The following MAK variants were observed in gnomAD, a reference collection of about 807,000 sequenced individuals.
MAK encodes the protein serine/threonine-protein kinase MAK.
MAK carries 65 observed loss-of-function variants against 82.6 expected under a neutral mutation model. That is an observed-to-expected ratio of 0.79 (90% CI 0.64 to 0.97). The LOEUF is 0.97. MAK is among the 50% of genes least tolerant of loss of function. The pLI is 0.00. For synonymous variants in MAK, 250 were observed against 274.2 expected, an observed-to-expected ratio of 0.91 and a Z score of 0.87; for missense variants, 703 against 780.2, an observed-to-expected ratio of 0.90 and a Z score of 1.18.
In MAK at chr6:10,828,491, G is replaced by A. The variant is rs547800511; in HGVS notation, c.101+2057C>T. ...GAAGTCCTAGCCCCCAGACTTTCAC[G>A]GTGTGACAGTATCTGAAGATAGGGT... is the stretch of plus-strand genomic sequence containing the variant. On this transcript the variant is annotated intron_variant, in intron 2 of 14. Coordinates refer to ENST00000354489, the MANE Select transcript of MAK (RefSeq NM_001242957.3). Among the ~76,000 whole-genome samples the A allele has an allele frequency of 5.9e-5, 9 of 152,216 alleles. No homozygotes were observed. In the South Asian group the frequency reaches 6.2e-4, roughly 11 times the overall value.
At position 10,770,181 on chromosome 6, in the gene MAK, G is replaced by T; in HGVS notation, c.1722C>A (p.Ser574=). The part of the protein sequence containing the change: ...ATYNQSGYIP[S]FLKKEVQSAG... ...CTGACTGCACTTCTTTTTTGAGAAAGGAAGGAATATATCCTGACTGATTGT... is the reference window on the plus strand; with the variant it reads ...CTGACTGCACTTCTTTTTTGAGAAATGAAGGAATATATCCTGACTGATTGT... The change falls in exon 14 of 15, where the codon TCC becomes TCA. Residue 574 remains serine (S), a synonymous_variant. Coordinates refer to ENST00000354489, the MANE Select transcript of MAK (RefSeq NM_001242957.3). 1 of 1,614,084 alleles carries T rather than the reference G, an allele frequency of 6.2e-7. No individual in the cohort carries two copies. The highest frequency in any genetic ancestry group is 8.5e-7 in the Non-Finnish European group (1 of 1,179,998).
chr6:10,815,563 C>T (rs1777401069), intron 4 of MAK, among the ~76,000 whole-genome samples: 2 of 152,064 alleles, frequency 1.3e-5, no homozygotes, highest in African/African-American at 2.4e-5. Context: ...GTCGAGGCTA[C>T]AGTGAGCCAT....
chr6:10,830,467 C>A, intron 2 of MAK, 81 bp downstream of exon 2: 1 of 1,186,802 alleles, frequency 8.4e-7, no homozygotes, highest in Non-Finnish European at 1.3e-6. Flanking sequence ...CTGGCCTGTG[C>A]TGGTATATAT....
intron 1 of MAK, among the ~76,000 whole-genome samples, chr6:10,836,397 T>G (rs1431362877): frequency 1.3e-5 from 2 of 152,240 alleles, no homozygotes; most frequent in Non-Finnish European, 2.9e-5. Context: ...TCATTGCAAC[T>G]GTTCCTTCTA....
intron 2 of MAK, 31 bp downstream of exon 2, chr6:10,830,517 A>C: frequency 2.0e-6 from 3 of 1,534,858 alleles, no homozygotes; most frequent in Non-Finnish European, 1.8e-6. Flanking sequence ...AGAGTTTTCA[A>C]AGGTGAAGTT....
chr6:10,766,427 C>T (rs1419779925), intron 14 of MAK, among the ~76,000 whole-genome samples: 1 of 152,164 alleles, frequency 6.6e-6, no homozygotes, highest in East Asian at 1.9e-4. Flanking sequence ...CCAAGAGCTC[C>T]CCACTCCATG....
In MAK at chr6:10,800,281, C is replaced by T. The variant is rs1775915337; in HGVS notation, c.831+1611G>A. Among the ~76,000 whole-genome samples the T allele has an allele frequency of 6.6e-6, 1 of 151,612 alleles. No individual in the cohort carries two copies. Reference sequence around the variant, plus strand: ...CATCTCAAAAAAAAAAGAAAATACACATACACATTTCAGTATTTTTCTTGT... The same window carrying T: ...CATCTCAAAAAAAAAAGAAAATACATATACACATTTCAGTATTTTTCTTGT... On this transcript the variant is annotated intron_variant, in intron 8 of 14. Coordinates refer to ENST00000354489, the MANE Select transcript of MAK (RefSeq NM_001242957.3). This position sits in a 1 kb window ranked among gnomAD's most constrained non-coding sequence, Gnocchi z 4.2.
At chr6:10,792,512 G>C (rs554901867) in intron 9 of MAK, among the ~76,000 whole-genome samples, 1 of 152,200 alleles carries the variant, frequency 6.6e-6, no homozygotes, top group Non-Finnish European at 1.5e-5. Flanking sequence ...AACAGAGAGG[G>C]AAGTATGAGT....
rs147155238 is a variant in MAK at position 10,783,796 on chromosome 6, G to A, written c.1465+628C>T. 5.3e-3 allele frequency among the ~76,000 whole-genome samples: 812 copies of A among 152,272 alleles called. 6 individuals are homozygous for A. The highest frequency in any genetic ancestry group is 0.018 in the African/African-American group (744 of 41,544). ...AGCACTTTGGGAGGCCAAGGCGGGCGGATCACAAGGTCAGGAGATCGAGAC... is the reference window on the plus strand; with the variant it reads ...AGCACTTTGGGAGGCCAAGGCGGGCAGATCACAAGGTCAGGAGATCGAGAC... On this transcript the variant is annotated intron_variant, in intron 11 of 14. Coordinates refer to ENST00000354489, the MANE Select transcript of MAK (RefSeq NM_001242957.3).
intron 6 of MAK, among the ~76,000 whole-genome samples, chr6:10,806,081 G>C (rs896077790): frequency 6.6e-6 from 1 of 152,124 alleles, no homozygotes; most frequent in East Asian, 1.9e-4. Flanking sequence ...ATTAGTTCCT[G>C]AGAGAGTGGG....
At chr6:10,782,202 T>TCACTCACACACACACACACA (rs1774046651) in intron 11 of MAK, among the ~76,000 whole-genome samples, 1 of 146,054 alleles carries the variant, frequency 6.8e-6, no homozygotes, top group African/African-American at 2.5e-5. Context: ...TGAAACTCTG[T>TCACTCACACACACACACACA]CACACACACA....
intron 5 of MAK, 87 bp downstream of exon 5, chr6:10,813,557 C>A: frequency 3.8e-6 from 3 of 797,854 alleles, no homozygotes; most frequent in Non-Finnish European, 6.8e-6. Flanking sequence ...TCCAATATAA[C>A]AGTTATTTAA....
At chr6:10,770,587 C>T (rs1772912568) in intron 13 of MAK, among the ~76,000 whole-genome samples, 1 of 152,168 alleles carries the variant, frequency 6.6e-6, no homozygotes, top group Non-Finnish European at 1.5e-5. Flanking sequence ...TTTCCCACTG[C>T]GAAGCCCCTA....
Position 10,816,245 on chromosome 6 carries a change from A to T in MAK, c.278+1605T>A, listed in dbSNP as rs528207040. 1.3e-4 allele frequency among the ~76,000 whole-genome samples: 20 copies of T among 151,630 alleles called. No homozygotes were observed. The East Asian group carries it at 3.1e-3, about 24-fold the overall frequency. On this transcript the variant is annotated intron_variant, in intron 4 of 14. Transcript: ENST00000354489. ...GCCACCACACCTGGCTAATTTTTTA[A>T]TTTTTTTGTAGAGATGGAGTCTCAC... is the stretch of plus-strand genomic sequence containing the variant.
Position 10,829,515 on chromosome 6 carries a change from A to G in MAK, c.101+1033T>C, listed in dbSNP as rs149223002. Among the ~76,000 whole-genome samples, 434 of 152,314 alleles carry G rather than the reference A, an allele frequency of 2.8e-3. 4 individuals carry two copies. The highest frequency in any genetic ancestry group is 0.01 in the African/African-American group (420 of 41,576). On this transcript the variant is annotated intron_variant, in intron 2 of 14. Transcript: ENST00000354489. ...TGGGAAGTCAGGACTGCAGTGAGCCATGATCACACCACTGCACGCCAGCCT... is the reference window on the plus strand; with the variant it reads ...TGGGAAGTCAGGACTGCAGTGAGCCGTGATCACACCACTGCACGCCAGCCT...
At chr6:10,775,240 C>G in intron 12 of MAK, 88 bp downstream of exon 12, 1 of 1,483,118 alleles carries the variant, frequency 6.7e-7, no homozygotes, top group South Asian at 1.1e-5. Context: ...GCACATGTAT[C>G]TTGGTTGGAA....
intron 1 of MAK, among the ~76,000 whole-genome samples, chr6:10,833,382 A>T (rs1010680057): frequency 7.2e-5 from 11 of 152,282 alleles, no homozygotes; most frequent in African/African-American, 2.6e-4. Context: ...AGACGGGTGG[A>T]TCACCTGAGG....
Position 10,796,173 on chromosome 6 carries a change from G to C in MAK, c.968C>G (p.Pro323Arg), listed in dbSNP as rs200641218. 26 of 1,614,184 alleles carry C rather than the reference G, an allele frequency of 1.6e-5. No individual in the cohort carries two copies. In the East Asian group the frequency reaches 5.6e-4, roughly 35 times the overall value. The change falls in exon 9 of 15, where the codon CCT becomes CGT. Residue 323 changes from proline (P) to arginine (R), a missense_variant. By Grantham distance (103) the Pro-to-Arg change is moderately radical. Transcript: ENST00000354489. ...AACCTGATCGATTATATCCGGCAGA[G>C]GCTTAGGCTCTACCTCAACTAAAGA... ...KPSLVEVEPK[P>R]LPDIIDQVVG...
chr6:10,801,747 T>C (rs1278780227), intron 8 of MAK, 145 bp downstream of exon 8: 5 of 680,522 alleles, frequency 7.3e-6, no homozygotes, highest in Non-Finnish European at 1.0e-5. Context: ...ATTAATTTAT[T>C]ACATACGCTG....
Sources: allele counts gnomAD v4.1 joint callset (sites outside exome capture counted in the v4.1 genomes callset), GRCh38; gene constraint gnomAD v4.1.1; non-coding constraint Gnocchi (gnomAD v3.1); transcripts MANE v1.5; gene names NCBI Gene and HGNC (gene_info 2026-07-23, HGNC 2026-07-21).